LRRC7: variants seen among roughly 807,000 people sequenced by gnomAD.
LRRC7 encodes the protein leucine-rich repeat-containing protein 7.
Under a neutral mutation model 175.7 loss-of-function variants are expected in LRRC7, and 23 were observed. The ratio of observed to expected loss-of-function variants is 0.13; its 90% CI spans 0.09 to 0.19. LRRC7 has a LOEUF of 0.19. Ranked by LOEUF, LRRC7 falls within the 10% of genes least tolerant of loss-of-function variation. The pLI is 1.00. For missense variants in LRRC7, 1,354 were observed against 1,904.7 expected (o/e 0.71, Z 5.38); for synonymous variants, 685 against 680.9 (o/e 1.01, Z -0.09).
chr1:70,039,624 A>G lies in LRRC7; in HGVS notation c.3800A>G (p.Glu1267Gly). ...AGGCCTACTATGGCAGCTCTTTTGG[A>G]AAAAATACCATCTGACTATAACTTG... ...SARPTMAALL[E>G]KIPSDYNLGN... Residue 1267 changes from glutamate (E) to glycine (G), a missense_variant, in exon 21 of 27, where the codon GAA (glutamate) becomes GGA (glycine). Physicochemically the swap from Glu to Gly is moderately conservative, Grantham distance 98. This residue lies in a region of LRRC7 where 1,032 missense variants were observed against 1,227.2 expected (regional missense o/e 0.84). Coordinates refer to ENST00000651989, the MANE Select transcript of LRRC7 (RefSeq NM_001370785.2). 1 of 1,614,094 alleles carries G rather than the reference A, an allele frequency of 6.2e-7. No homozygotes were observed. The highest frequency in any genetic ancestry group is 8.5e-7 in the Non-Finnish European group (1 of 1,179,986).
chr1:69,960,078 A>G (rs375266000), intron 8 of LRRC7, among the ~76,000 whole-genome samples: 1 of 151,978 alleles, frequency 6.6e-6, no homozygotes, highest in East Asian at 1.9e-4. Flanking sequence ...TCTTCTTTGT[A>G]CATGTGGTAG....
At chr1:69,689,434 C>T (rs1661572073) in intron 2 of LRRC7, among the ~76,000 whole-genome samples, 1 of 131,446 alleles carries the variant, frequency 7.6e-6, no homozygotes, top group Non-Finnish European at 1.6e-5. Flanking sequence ...TCATCTTCTG[C>T]TTAACCCTTA....
rs1405880891 is a variant in LRRC7, at chr1:69,570,291, C to T, written c.2+1650C>T. ...TATGAGATGTTCAGCATCCTGGTTG[C>T]TTAAGTCCTCCTATAGAAGGAAAAT... On this transcript the variant is annotated intron_variant, in intron 1 of 26. Transcript: ENST00000651989. Among the ~76,000 whole-genome samples the T allele has an allele frequency of 2.0e-5, 3 of 151,876 alleles. No homozygotes were observed. In the South Asian group the frequency reaches 6.3e-4, roughly 32 times the overall value.
intron 18 of LRRC7, among the ~76,000 whole-genome samples, chr1:70,035,663 G>A (rs1052409169): frequency 2.0e-5 from 3 of 150,298 alleles, no homozygotes; most frequent in African/African-American, 7.4e-5. Flanking sequence ...ATTGGTCAGT[G>A]ATATACTTTC....
intron 7 of LRRC7, among the ~76,000 whole-genome samples, chr1:69,906,564 G>A (rs943619952): frequency 2.6e-5 from 4 of 152,052 alleles, no homozygotes; most frequent in African/African-American, 7.2e-5. Flanking sequence ...AAGATCAGAT[G>A]GTTGTAGATA....
chr1:69,971,769 A>T lies in LRRC7; in HGVS notation c.712-8610A>T, dbSNP rs1482300732. On this transcript the variant is annotated intron_variant, in intron 8 of 26. Coordinates refer to ENST00000651989, the MANE Select transcript of LRRC7 (RefSeq NM_001370785.2). ...CATTCTTCACAGAATTAGAAAAAAC[A>T]ATCCTAAAATTCATATGGAACCAAG... is the stretch of plus-strand genomic sequence containing the variant. Among the ~76,000 whole-genome samples the T allele has an allele frequency of 2.0e-5, 3 of 152,134 alleles. No individual in the cohort carries two copies. In the East Asian group the frequency reaches 5.8e-4, roughly 29 times the overall value.
chr1:69,889,483 GCATCTTTAC>G (rs1347144216), intron 7 of LRRC7, among the ~76,000 whole-genome samples: 3 of 152,146 alleles, frequency 2.0e-5, no homozygotes, highest in Non-Finnish European at 4.4e-5. Flanking sequence ...AATGTTCACA[GCATCTTTAC>G]CAGGAGTAGA....
In LRRC7 at chr1:70,050,114, C is replaced by G. The variant is rs562880371; in HGVS notation, c.4111-2912C>G. ...TACTGTGCACACACATGTTTATACA[C>G]ACATATATACATAAGAACACACATG... is the stretch of plus-strand genomic sequence containing the variant. On this transcript the variant is annotated intron_variant, in intron 22 of 26. Transcript: ENST00000651989. 3.1e-4 allele frequency among the ~76,000 whole-genome samples: 47 copies of G among 152,150 alleles called. No individual in the cohort carries two copies. The South Asian group carries it at 9.5e-3, about 31-fold the overall frequency.
intron 1 of LRRC7, among the ~76,000 whole-genome samples, chr1:69,626,449 T>C (rs1651564897): frequency 6.6e-6 from 1 of 151,828 alleles, no homozygotes; most frequent in African/African-American, 2.4e-5. Context: ...TTGGTCTGAA[T>C]TACATTCATC....
At chr1:69,919,577 G>A (rs755734303) in intron 7 of LRRC7, 83 of 802,478 alleles carry the variant, frequency 1.0e-4, no homozygotes, top group Non-Finnish European at 1.6e-4. Flanking sequence ...CTGGCGGCAG[G>A]AAATCACCCG....
chr1:69,719,202 G>A (rs116471604), intron 2 of LRRC7, among the ~76,000 whole-genome samples: 254 of 151,690 alleles, frequency 1.7e-3, no homozygotes, highest in Non-Finnish European at 2.3e-3. Flanking sequence ...TCTAATAATC[G>A]CAAAAGTAAT....
intron 2 of LRRC7, among the ~76,000 whole-genome samples, chr1:69,750,932 T>C (rs1669790730): frequency 6.6e-6 from 1 of 152,172 alleles, no homozygotes; most frequent in African/African-American, 2.4e-5. Context: ...CATAGCAATT[T>C]CCATGAGTTC....
At chr1:69,647,029 A>G (rs1655099798) in intron 1 of LRRC7, among the ~76,000 whole-genome samples, 1 of 152,150 alleles carries the variant, frequency 6.6e-6, no homozygotes, top group African/African-American at 2.4e-5. Context: ...AAAAAATGTC[A>G]TAGTAGGAAA....
intron 3 of LRRC7, among the ~76,000 whole-genome samples, chr1:69,775,271 G>T (rs1035359267): frequency 1.3e-5 from 2 of 152,156 alleles, no homozygotes; most frequent in African/African-American, 4.8e-5. Context: ...TCTGCTATCT[G>T]TTCTTTTCAC....
At chr1:69,748,366 C>G (rs566718177) in intron 2 of LRRC7, among the ~76,000 whole-genome samples, 5 of 152,086 alleles carry the variant, frequency 3.3e-5, no homozygotes, top group Admixed American at 2.6e-4. Flanking sequence ...ATTAACATTG[C>G]GTCTCATCAC....
In LRRC7 at chr1:70,144,357, A is replaced by G. The variant is rs1355242080; in HGVS notation, c.*22470A>G. 6.6e-6 allele frequency: 1 copy of G among 152,162 alleles called. No homozygotes were observed. The highest frequency in any genetic ancestry group is 1.5e-5 in the Non-Finnish European group (1 of 68,018). 9.4% of individuals were successfully genotyped at this position (152,162 alleles called of 1,614,324 possible). On this transcript the variant is annotated 3_prime_UTR_variant, in exon 27 of 27. Transcript: ENST00000651989. ...TGTATAAATAATAAAATGTCACCTT[A>G]TTGTAAAGTGTCTTTTGTTTACTAT...
intron 25 of LRRC7, among the ~76,000 whole-genome samples, chr1:70,102,380 G>T (rs891401822): frequency 6.6e-6 from 1 of 152,186 alleles, no homozygotes; most frequent in Non-Finnish European, 1.5e-5. Context: ...TCAGAGGAAA[G>T]ATGGCAAATA....
In LRRC7 at chr1:70,137,143, G is replaced by GT. The variant is rs1322741051; in HGVS notation, c.*15257dup. ...ACAAGGCTCAGGTGACAGTGGGGAC[G>GT]TAAATAACTGCAGTATCATCCTGAA... On this transcript the variant is annotated 3_prime_UTR_variant, in exon 27 of 27. Transcript: ENST00000651989. Among the ~76,000 whole-genome samples the GT allele has an allele frequency of 1.3e-5, 2 of 152,192 alleles. No homozygotes were observed. Among genetic ancestry groups the GT allele is most frequent in the Admixed American group, 6.5e-5 (1 of 15,272 alleles).
chr1:69,595,916 A>T (rs756267560), intron 1 of LRRC7, among the ~76,000 whole-genome samples: 1 of 142,590 alleles, frequency 7.0e-6, no homozygotes, highest in Non-Finnish European at 1.6e-5. Flanking sequence ...ATTAAAAAAC[A>T]TTTAATAACA....
Sources: gnomAD v4.1 joint callset for allele counts (sites outside exome capture counted in the v4.1 genomes callset) on GRCh38, gnomAD v4.1.1 for gene constraint, gnomAD v4.1.1 regional missense constraint, MANE v1.5 for transcripts, NCBI Gene and HGNC (gene_info 2026-07-23, HGNC 2026-07-21) for gene names.